The following PHC2 variants were observed in gnomAD, a reference collection of about 807,000 sequenced individuals.
PHC2 encodes polyhomeotic homolog 2, also known as polyhomeotic-like protein 2.
PHC2 carries 29 observed loss-of-function variants against 87.4 expected under a neutral mutation model. That is an observed-to-expected ratio of 0.33 (90% confidence interval 0.25 to 0.45). The LOEUF is 0.45. PHC2 is among the 20% of genes least tolerant of loss of function. The pLI, the probability that PHC2 is intolerant of heterozygous loss-of-function variation, is 1.00. For synonymous variants in PHC2, 438 were observed against 461.7 expected, an observed-to-expected ratio of 0.95 and a Z score of 0.66; for missense variants, 857 against 1,136.7, an observed-to-expected ratio of 0.75 and a Z score of 3.54.
chr1:33,373,801 G>A (rs1010104630), intron 2 of PHC2, among the ~76,000 whole-genome samples: 45 of 152,066 alleles, frequency 3.0e-4, no homozygotes, highest in African/African-American at 9.4e-4. Context: ...GCCCTGTCCC[G>A]GCGAGCAAGC....
At chr1:33,325,195 G>A (rs1646343254) in intron 14 of PHC2, 176 bp from the exon 15 acceptor site, 6 of 630,506 alleles carry the variant, frequency 9.5e-6, no homozygotes, top group Non-Finnish European at 2.7e-6. Flanking sequence ...GAGAGGCTGT[G>A]CAACTCACCC....
chr1:33,377,632 ATTTG>A (rs1390014402), intron 1 of PHC2, among the ~76,000 whole-genome samples: 1 of 151,806 alleles, frequency 6.6e-6, no homozygotes, highest in Non-Finnish European at 1.5e-5. Context: ...GAAAAATAAT[ATTTG>A]TTTGTCACCC....
chr1:33,343,377 G>C (rs1646783475), intron 9 of PHC2, among the ~76,000 whole-genome samples: 1 of 150,048 alleles, frequency 6.7e-6, no homozygotes, highest in African/African-American at 2.4e-5. Context: ...GGCTGAGGCA[G>C]GAGAATTGCT....
chr1:33,330,520 T>C (rs1044590969), intron 12 of PHC2, among the ~76,000 whole-genome samples: 1 of 152,234 alleles, frequency 6.6e-6, no homozygotes. Context: ...ACACCTGACT[T>C]ATTCCACTAT....
rs935741393 is a variant in PHC2, at chr1:33,368,196, G to C, written c.663+340C>G. Among the ~76,000 whole-genome samples the C allele has an allele frequency of 6.6e-6, 1 of 152,192 alleles. No individual in the cohort carries two copies. Among genetic ancestry groups the C allele is most frequent in the South Asian group, 2.1e-4 (1 of 4,832 alleles). ...CAGCACTACCGTGTGTAACCGGAGC[G>C]GGACTTTCCACTTATGAAGCAGCAG... On this transcript the variant is annotated intron_variant, in intron 6 of 14. Coordinates refer to ENST00000683057, the MANE Select transcript of PHC2 (RefSeq NM_001385109.1). The surrounding 1 kb of genome is among the most constrained non-coding windows in gnomAD (Gnocchi z 6.6).
chr1:33,413,715 T>A (rs530097031), intron 1 of PHC2, among the ~76,000 whole-genome samples: 2,071 of 152,354 alleles, frequency 0.014, 17 homozygotes, highest in Middle Eastern at 0.044. Flanking sequence ...TGTATCAGTC[T>A]TTTTCAGTAA....
chr1:33,336,986 C>T (rs1646651374), intron 9 of PHC2: 1 of 152,182 alleles, frequency 6.6e-6, no homozygotes, highest in Admixed American at 6.5e-5. Flanking sequence ...TTAACTCTGC[C>T]TTTACACAAT....
intron 9 of PHC2, among the ~76,000 whole-genome samples, chr1:33,335,864 C>T (rs1570451820): frequency 1.3e-5 from 2 of 151,846 alleles, no homozygotes; most frequent in Admixed American, 1.3e-4. Context: ...CTCGCCACCC[C>T]CCTCCAGCCT....
rs115714781 is a variant in PHC2, at chr1:33,387,670, C to T, written c.-54-12077G>A. ...GATTCATAGAGGCCCTGTAACTTAT[C>T]GGAGCCCCAGAGCTAGCAAATGGCA... On this transcript the variant is annotated intron_variant, in intron 1 of 14. Transcript: ENST00000683057. 5.7e-3 allele frequency among the ~76,000 whole-genome samples: 871 copies of T among 152,348 alleles called. 9 individuals are homozygous for T. The highest frequency in any genetic ancestry group is 0.02 in the African/African-American group (845 of 41,578).
intron 10 of PHC2, 110 bp downstream of exon 10, chr1:33,333,980 A>G (rs901509754): frequency 3.1e-6 from 3 of 953,158 alleles, no homozygotes; most frequent in Non-Finnish European, 4.8e-6. Context: ...GTTAGCAAGG[A>G]AAGAGCAAAT....
intron 8 of PHC2, 40 bp from the exon 9 acceptor site, chr1:33,354,606 T>C (rs769747293): frequency 3.8e-6 from 6 of 1,582,432 alleles, no homozygotes; most frequent in Non-Finnish European, 5.2e-6. Context: ...CTCTCAGAAA[T>C]AGCCTTTGCA....
intron 1 of PHC2, among the ~76,000 whole-genome samples, chr1:33,399,766 C>A (rs774443052): frequency 6.6e-6 from 1 of 151,978 alleles, no homozygotes; most frequent in Non-Finnish European, 1.5e-5. Context: ...AGTTATAGTC[C>A]CTGACCCCAA....
chr1:33,383,050 G>A (rs1648563976), intron 1 of PHC2, among the ~76,000 whole-genome samples: 1 of 152,162 alleles, frequency 6.6e-6, no homozygotes, highest in Non-Finnish European at 1.5e-5. Context: ...CTGAAGAGAT[G>A]GGTGAACATA....
intron 9 of PHC2, chr1:33,345,404 T>A (rs1273755459): frequency 7.6e-6 from 2 of 264,294 alleles, no homozygotes; most frequent in African/African-American, 4.6e-5. Flanking sequence ...GTAGAAAGAA[T>A]GTTCTCTTCT....
intron 1 of PHC2, among the ~76,000 whole-genome samples, chr1:33,413,763 G>C (rs1212052259): frequency 1.3e-5 from 2 of 152,162 alleles, no homozygotes; most frequent in Non-Finnish European, 2.9e-5. Context: ...TGTATTCACT[G>C]CTTTATTGTT....
At chr1:33,336,952 T>C (rs902069108) in intron 9 of PHC2, 1 of 152,258 alleles carries the variant, frequency 6.6e-6, no homozygotes, top group African/African-American at 2.4e-5. Flanking sequence ...AAATTAAGTT[T>C]CTGTGCTTTT....
chr1:33,429,195 G>A (rs1214827183), intron 1 of PHC2, among the ~76,000 whole-genome samples: 4 of 152,158 alleles, frequency 2.6e-5, no homozygotes, highest in Non-Finnish European at 5.9e-5. Flanking sequence ...CCACATGATG[G>A]ACCCTTACTT....
In PHC2 at chr1:33,354,584, A is replaced by G. The variant is rs779841008; in HGVS notation, c.1393-18T>C. 1 of 1,605,328 alleles carries G rather than the reference A, an allele frequency of 6.2e-7. No homozygotes were observed. Among genetic ancestry groups the G allele is most frequent in the South Asian group, 1.1e-5 (1 of 89,856 alleles). On this transcript the variant is annotated intron_variant, in intron 8 of 14. Coordinates refer to ENST00000683057, the MANE Select transcript of PHC2 (RefSeq NM_001385109.1). ...TGCTGGGGCTGTCAAAGGACAGGAC[A>G]GAGAGGGGGGCCTCTCAGAAATAGC...
At chr1:33,366,873 C>A (rs1023294526) in intron 7 of PHC2, among the ~76,000 whole-genome samples, 3 of 152,222 alleles carry the variant, frequency 2.0e-5, no homozygotes, top group African/African-American at 7.2e-5. Flanking sequence ...TGATTCATCG[C>A]TGTGCCTACA....
Sources: gnomAD v4.1 joint callset for allele counts (sites outside exome capture counted in the v4.1 genomes callset) on GRCh38, gnomAD v4.1.1 for gene constraint, Gnocchi (gnomAD v3.1) non-coding constraint, MANE v1.5 for transcripts, NCBI Gene and HGNC (gene_info 2026-07-23, HGNC 2026-07-21) for gene names.